NACC1: variants seen among roughly 807,000 people sequenced by gnomAD.
The protein encoded by NACC1 is nucleus accumbens associated 1.
NACC1 carries 6 observed loss-of-function variants against 41.7 expected under a neutral mutation model. That is an observed-to-expected ratio of 0.14 (90% CI 0.08 to 0.28). The LOEUF is 0.28. NACC1 is among the 10% of genes least tolerant of loss of function. The pLI is 1.00. For synonymous variants in NACC1, 338 were observed against 330.6 expected, an observed-to-expected ratio of 1.02 and a Z score of -0.24; for missense variants, 434 against 763.7, an observed-to-expected ratio of 0.57 and a Z score of 5.09.
rs2145626481 is a variant in NACC1, at chr19:13,138,272, G to A, written c.1450G>A (p.Ala484Thr). The A allele has an allele frequency of 1.2e-6, 2 of 1,614,238 alleles. No individual in the cohort carries two copies. The highest frequency in any genetic ancestry group is 1.3e-5 in the African/African-American group (1 of 75,074). ...GATGCCCAAGGTCAAGGTGCTCAAGGCTGAGGATGACGCCTACACCACCTT... is the reference window on the plus strand; with the variant it reads ...GATGCCCAAGGTCAAGGTGCTCAAGACTGAGGATGACGCCTACACCACCTT... ...SWMPKVKVLK[A>T]EDDAYTTFIS... is the part of the protein sequence containing the mutation. The change falls in exon 6 of 6, where the codon GCT becomes ACT. Residue 484 changes from alanine (A) to threonine (T), a missense_variant. Transcript: ENST00000292431. This position sits in a 1 kb window ranked among gnomAD's most constrained non-coding sequence, Gnocchi z 5.7.
chr19:13,125,371 G>A (rs1221911209), intron 1 of NACC1, among the ~76,000 whole-genome samples: 22 of 151,262 alleles, frequency 1.5e-4, no homozygotes, highest in Admixed American at 1.5e-3. Flanking sequence ...GTATTCATGA[G>A]GACAGAGCCC....
chr19:13,137,204 C>G lies in NACC1; in HGVS notation c.1121-67C>G, dbSNP rs552961756. ...GGGCCTGGGGTGTTCTGAGATGAGG[C>G]CTGGTATCATGGGGGCTGTGGCGGT... is the stretch of plus-strand genomic sequence containing the variant. On this transcript the variant is annotated intron_variant, in intron 3 of 5. Coordinates refer to ENST00000292431, the MANE Select transcript of NACC1 (RefSeq NM_052876.4). This position sits in a 1 kb window ranked among gnomAD's most constrained non-coding sequence, Gnocchi z 6.1. 6.7e-6 allele frequency: 10 copies of G among 1,489,888 alleles called. No individual in the cohort carries two copies. The highest frequency in any genetic ancestry group is 2.8e-5 in the African/African-American group (2 of 72,690). 92.3% of individuals were successfully genotyped at this position (1,489,888 alleles called of 1,614,324 possible).
At chr19:13,127,045 G>A (rs1472727190) in intron 1 of NACC1, among the ~76,000 whole-genome samples, 1 of 151,690 alleles carries the variant, frequency 6.6e-6, no homozygotes, top group South Asian at 2.1e-4. Context: ...GACCAGCCTG[G>A]GCAACATTAG....
Position 13,135,582 on chromosome 19 carries a change from C to G in NACC1, c.375C>G (p.Ser125=), listed in dbSNP as rs1180581754. 1 of 1,599,478 alleles carries G rather than the reference C, an allele frequency of 6.3e-7. No homozygotes were observed. Among genetic ancestry groups the G allele is most frequent in the South Asian group, 1.1e-5 (1 of 89,444 alleles). ...KGTEFFLKVS[S]PSCDSQGLHA... ...CCGAGTTCTTCCTCAAGGTGAGCTC[C>G]CCGAGCTGCGACTCCCAGGGCCTGC... Residue 125 remains serine (S), a synonymous_variant, in exon 2 of 6, where the codon TCC becomes TCG. Transcript: ENST00000292431.
At chr19:13,121,271 G>A (rs1278736115) in intron 1 of NACC1, among the ~76,000 whole-genome samples, 1 of 152,094 alleles carries the variant, frequency 6.6e-6, no homozygotes, top group East Asian at 1.9e-4. Flanking sequence ...TCTTGAGTAT[G>A]TACCAGTCTT....
At chr19:13,134,049 GTTATTTAT>G (rs748022109) in intron 1 of NACC1, among the ~76,000 whole-genome samples, 1 of 152,022 alleles carries the variant, frequency 6.6e-6, no homozygotes, top group South Asian at 2.1e-4. Flanking sequence ...TTTCATGTAA[GTTATTTAT>G]TTATTTATTT....
chr19:13,128,199 C>G (rs1431268929), intron 1 of NACC1, among the ~76,000 whole-genome samples: 1 of 152,084 alleles, frequency 6.6e-6, no homozygotes, highest in Admixed American at 6.6e-5. Context: ...GCCAAAGACT[C>G]CAGTGGGGGA....
chr19:13,138,674 T>TA lies in NACC1; in HGVS notation c.*269dup. 2.0e-6 allele frequency: 1 copy of TA among 494,156 alleles called. No individual in the cohort carries two copies. Among genetic ancestry groups the TA allele is most frequent in the Non-Finnish European group, 3.7e-6 (1 of 270,776 alleles). 30.6% of individuals were successfully genotyped at this position (494,156 alleles called of 1,614,324 possible). A position where few individuals can be genotyped will look rare whatever the true frequency, so the allele number is the denominator to read the frequency against. ...AGTTCTGGCTCCCCAACCTAACCCC[T>TA]AGCCGTCATCTCCACACTCACCAGG... On this transcript the variant is annotated 3_prime_UTR_variant, in exon 6 of 6. Transcript: ENST00000292431. The surrounding 1 kb of genome is among the most constrained non-coding windows in gnomAD (Gnocchi z 5.7).
chr19:13,138,736 A>C lies in NACC1; in HGVS notation c.*330A>C, dbSNP rs1038599801. 2.6e-5 allele frequency: 9 copies of C among 352,782 alleles called. No individual in the cohort carries two copies. Among genetic ancestry groups the C allele is most frequent in the Non-Finnish European group, 4.8e-5 (9 of 186,426 alleles). The allele number at this position is 352,782 out of a possible 1,614,324, so 21.9% of individuals were successfully genotyped here. ...AGGGGGCTGGCCTGGGGGTCTTGGG[A>C]AGGCCCCTCCCCAGGCCCTAGGCCA... On this transcript the variant is annotated 3_prime_UTR_variant, in exon 6 of 6. Transcript: ENST00000292431. This position sits in a 1 kb window ranked among gnomAD's most constrained non-coding sequence, Gnocchi z 5.7.
At chr19:13,120,691 G>A (rs1334402378) in intron 1 of NACC1, among the ~76,000 whole-genome samples, 3 of 152,220 alleles carry the variant, frequency 2.0e-5, no homozygotes, top group African/African-American at 7.2e-5. Flanking sequence ...CACAGACTGG[G>A]TCCTCCTGGA....
intron 1 of NACC1, among the ~76,000 whole-genome samples, chr19:13,126,958 G>A (rs1228041697): frequency 6.6e-6 from 1 of 152,106 alleles, no homozygotes; most frequent in Non-Finnish European, 1.5e-5. Flanking sequence ...CAGTTTGGCA[G>A]GGGTGGTGGC....
intron 1 of NACC1, among the ~76,000 whole-genome samples, chr19:13,124,811 T>G (rs2019542533): frequency 6.6e-6 from 1 of 152,058 alleles, no homozygotes; most frequent in Admixed American, 6.5e-5. Flanking sequence ...CCAGGCACAT[T>G]GCTCATGCCT....
chr19:13,136,640 G>C lies in NACC1; in HGVS notation c.1120+235G>C, dbSNP rs972399222. The stretch of plus-strand genomic sequence containing the variant: ...GTCGGGGCGAGCATTGGCTATTATT[G>C]TTTGGCCGCATGGGTAGATTAGCTA... On this transcript the variant is annotated intron_variant, in intron 3 of 5. Coordinates refer to ENST00000292431, the MANE Select transcript of NACC1 (RefSeq NM_052876.4). The surrounding 1 kb of genome is among the most constrained non-coding windows in gnomAD (Gnocchi z 5.5). Among the ~76,000 whole-genome samples the C allele has an allele frequency of 6.6e-6, 1 of 152,192 alleles. No individual in the cohort carries two copies. The highest frequency in any genetic ancestry group is 1.5e-5 in the Non-Finnish European group (1 of 68,040).
intron 1 of NACC1, among the ~76,000 whole-genome samples, chr19:13,123,154 C>A (rs982829687): frequency 6.6e-6 from 1 of 152,196 alleles, no homozygotes; most frequent in Admixed American, 6.5e-5. Context: ...ATCCCTCCAC[C>A]CTCCTTTGTG....
At chr19:13,120,673 T>G (rs2019478507) in intron 1 of NACC1, among the ~76,000 whole-genome samples, 1 of 152,242 alleles carries the variant, frequency 6.6e-6, no homozygotes, top group African/African-American at 2.4e-5. Context: ...GCTGCAGGTC[T>G]GCTTCAGCAC....
intron 1 of NACC1, among the ~76,000 whole-genome samples, chr19:13,118,709 A>G (rs2019443339): frequency 7.1e-6 from 1 of 141,420 alleles, no homozygotes; most frequent in Non-Finnish European, 1.5e-5. Flanking sequence ...GGAGGGGGCC[A>G]GGTCGGGCCG....
In NACC1 at chr19:13,125,412, CTTTTT is replaced by C. The variant is rs760978944; in HGVS notation, c.-9+6976_-9+6980del. The stretch of plus-strand genomic sequence containing the variant: ...ACTGAATCAACTCCCGAAGGCCCCA[CTTTTT>C]TTTTTTTTTTTTTTTTTGGTGAGAC... On this transcript the variant is annotated intron_variant, in intron 1 of 5. Transcript: ENST00000292431. Among the ~76,000 whole-genome samples the C allele has an allele frequency of 3.3e-3, 326 of 100,292 alleles. 4 individuals are homozygous for C. Among genetic ancestry groups the C allele is most frequent in the African/African-American group, 6.2e-3 (167 of 26,860 alleles). 65.8% of individuals were successfully genotyped at this position (100,292 alleles called of 152,430 possible).
intron 1 of NACC1, chr19:13,132,277 A>G (rs544310920): frequency 1.3e-5 from 2 of 152,092 alleles, no homozygotes; most frequent in South Asian, 2.1e-4. Context: ...TTAGCCGGAC[A>G]TGGTGGCACA....
At position 13,135,910 on chromosome 19, in the gene NACC1, G is replaced by A. The variant is rs773484210; in HGVS notation, c.703G>A (p.Val235Met). The A allele has an allele frequency of 3.0e-5, 47 of 1,569,260 alleles. No homozygotes were observed. The highest frequency in any genetic ancestry group is 1.7e-4 in the Middle Eastern group (1 of 5,790). The stretch of plus-strand genomic sequence containing the variant: ...GGTGGTGGCAGCAGCCCAGCCCGCC[G>A]TGGCTGCGGGAGCAGGGCAGCCAGC... The part of the protein sequence containing the change: ...APVVAAAQPA[V>M]AAGAGQPAGG... The change falls in exon 2 of 6, where the codon GTG becomes ATG. Residue 235 changes from valine (V) to methionine (M), a missense_variant. Physicochemically the swap from Val to Met is conservative, Grantham distance 21. This residue lies in a region of NACC1 where 234 missense variants were observed against 308.3 expected (regional missense o/e 0.76). Transcript: ENST00000292431.
Sources: gnomAD v4.1 joint callset for allele counts (sites outside exome capture counted in the v4.1 genomes callset) on GRCh38, gnomAD v4.1.1 for gene constraint, gnomAD v4.1.1 regional missense constraint, Gnocchi (gnomAD v3.1) non-coding constraint, MANE v1.5 for transcripts, NCBI Gene and HGNC (gene_info 2026-07-23, HGNC 2026-07-21) for gene names.